The following MAPK10 variants were observed in gnomAD, a reference collection of about 807,000 sequenced individuals.
The protein encoded by MAPK10 is mitogen-activated protein kinase 10.
A neutral mutation model predicts 59.3 loss-of-function variants in MAPK10; 25 were observed. The observed-to-expected ratio is 0.42, with a 90% CI of 0.31 to 0.59. The LOEUF (loss-of-function observed/expected upper bound fraction) is 0.59. Among genes scored for constraint, MAPK10 ranks in the 20% least tolerant of loss-of-function variants. The pLI is 0.15. For missense variants in MAPK10, 351 were observed against 568.9 expected (o/e 0.62, Z 3.90); for synonymous variants, 190 against 200.5 (o/e 0.95, Z 0.44).
Position 86,136,244 on chromosome 4 carries a change from A to G in MAPK10, c.236+23054T>C, listed in dbSNP as rs868801437. Reference sequence around the variant, plus strand: ...AAAACACATAATTGTCAGATTCACCAAAGTTGAAATAAAGGAAAAAATGTT... The same window carrying G: ...AAAACACATAATTGTCAGATTCACCGAAGTTGAAATAAAGGAAAAAATGTT... On this transcript the variant is annotated intron_variant, in intron 4 of 13. Coordinates refer to ENST00000641462, the MANE Select transcript of MAPK10 (RefSeq NM_138982.4). 3.3e-5 allele frequency among the ~76,000 whole-genome samples: 5 copies of G among 152,160 alleles called. No homozygotes were observed. The South Asian group carries it at 6.2e-4, about 19-fold the overall frequency.
At chr4:86,396,888 A>G (rs1446096100) in intron 1 of MAPK10, among the ~76,000 whole-genome samples, 3 of 152,238 alleles carry the variant, frequency 2.0e-5, no homozygotes, top group Admixed American at 6.5e-5. Context: ...AGCAAACTAT[A>G]ACACTTACTA....
chr4:86,136,454 G>C (rs543075257), intron 4 of MAPK10, among the ~76,000 whole-genome samples: 3 of 150,198 alleles, frequency 2.0e-5, no homozygotes, highest in Admixed American at 1.3e-4. Context: ...AAGTGAAGGA[G>C]AAATAAAATA....
Position 86,017,434 on chromosome 4 carries a change from C to G in MAPK10, c.1253-64G>C, listed in dbSNP as rs1743811687. On this transcript the variant is annotated intron_variant, in intron 13 of 13. Transcript: ENST00000641462. This position sits in a 1 kb window ranked among gnomAD's most constrained non-coding sequence, Gnocchi z 4.4. ...GAACCAGACCCATCTTAATGCCATTCAGGATTCAGGGATGGGCAAATACAA... is the reference window on the plus strand; with the variant it reads ...GAACCAGACCCATCTTAATGCCATTGAGGATTCAGGGATGGGCAAATACAA... 6.3e-7 allele frequency: 1 copy of G among 1,581,644 alleles called. No homozygotes were observed. The highest frequency in any genetic ancestry group is 8.7e-7 in the Non-Finnish European group (1 of 1,155,604).
chr4:86,289,309 G>T (rs1009959145), intron 2 of MAPK10, among the ~76,000 whole-genome samples: 1 of 152,140 alleles, frequency 6.6e-6, no homozygotes, highest in African/African-American at 2.4e-5. Context: ...GACATGGTAA[G>T]GAGGCTGGGT....
intron 2 of MAPK10, among the ~76,000 whole-genome samples, chr4:86,330,538 T>C (rs531104376): frequency 1.3e-5 from 2 of 152,234 alleles, no homozygotes; most frequent in East Asian, 3.9e-4. Context: ...CATGCTGCTG[T>C]TCTCATGATG....
chr4:86,193,751 C>T (rs1022611531), intron 3 of MAPK10: 14 of 158,244 alleles, frequency 8.8e-5, no homozygotes, highest in Non-Finnish European at 1.9e-4. Context: ...GCCCCCTTTC[C>T]AGGGGGGGTG....
intron 1 of MAPK10, among the ~76,000 whole-genome samples, chr4:86,537,363 T>C (rs537520871): frequency 2.0e-5 from 3 of 152,280 alleles, no homozygotes; most frequent in Admixed American, 6.5e-5. Flanking sequence ...AACATAGATA[T>C]AAGTGTGTGT....
chr4:86,289,925 T>C (rs1337269718), intron 2 of MAPK10, among the ~76,000 whole-genome samples: 1 of 152,136 alleles, frequency 6.6e-6, no homozygotes, highest in African/African-American at 2.4e-5. Flanking sequence ...TGTCATTTCC[T>C]GAGGTGGAGA....
chr4:86,255,306 C>G (rs2093659558), intron 2 of MAPK10, among the ~76,000 whole-genome samples: 1 of 151,962 alleles, frequency 6.6e-6, no homozygotes, highest in Non-Finnish European at 1.5e-5. Context: ...AATGTATATC[C>G]CTGTGTCAAT....
intron 1 of MAPK10, among the ~76,000 whole-genome samples, chr4:86,382,003 T>C (rs765511020): frequency 3.3e-5 from 5 of 152,122 alleles, no homozygotes; most frequent in East Asian, 1.9e-4. Flanking sequence ...AGTGGCGCTA[T>C]TGACATTCGG....
chr4:86,065,855 ACT>A (rs1232106603), intron 10 of MAPK10, among the ~76,000 whole-genome samples: 1 of 152,186 alleles, frequency 6.6e-6, no homozygotes, highest in African/African-American at 2.4e-5. Context: ...AACATAGATG[ACT>A]CTGGATACAT....
At chr4:86,149,297 C>A (rs996982617) in intron 4 of MAPK10, among the ~76,000 whole-genome samples, 4 of 152,074 alleles carry the variant, frequency 2.6e-5, no homozygotes, top group Non-Finnish European at 2.9e-5. Flanking sequence ...GATGGAGTTT[C>A]ATTCTTCCAC....
chr4:86,277,875 G>C (rs1306338862), intron 2 of MAPK10, among the ~76,000 whole-genome samples: 1 of 152,090 alleles, frequency 6.6e-6, no homozygotes, highest in Non-Finnish European at 1.5e-5. Flanking sequence ...GCTTGGAGTA[G>C]ATGTTACCAT....
intron 1 of MAPK10, among the ~76,000 whole-genome samples, chr4:86,536,360 A>C (rs910851193): frequency 2.6e-5 from 4 of 152,212 alleles, no homozygotes; most frequent in Admixed American, 2.6e-4. Context: ...ATTTTTCTAG[A>C]TGAAAACAGA....
chr4:86,141,558 T>C (rs2063652325), intron 4 of MAPK10, among the ~76,000 whole-genome samples: 1 of 152,152 alleles, frequency 6.6e-6, no homozygotes, highest in South Asian at 2.1e-4. Flanking sequence ...CATTGCGCTA[T>C]AGCATCTTAA....
intron 2 of MAPK10, among the ~76,000 whole-genome samples, chr4:86,314,971 C>A (rs1450597587): frequency 6.6e-6 from 1 of 151,548 alleles, no homozygotes; most frequent in East Asian, 1.9e-4. Context: ...TATTAATGAA[C>A]ATTTTAAATG....
At chr4:86,288,083 C>T (rs1216930552) in intron 2 of MAPK10, among the ~76,000 whole-genome samples, 1 of 152,014 alleles carries the variant, frequency 6.6e-6, no homozygotes, top group Non-Finnish European at 1.5e-5. Context: ...TTATCACCTG[C>T]GAAAATAGCA....
At chr4:86,550,797 C>T (rs1225392553) in intron 1 of MAPK10, among the ~76,000 whole-genome samples, 2 of 147,776 alleles carry the variant, frequency 1.4e-5, no homozygotes, top group African/African-American at 4.8e-5. Flanking sequence ...CACATAAAGT[C>T]CCTTGAGGCT....
chr4:86,256,741 T>A (rs796247845), intron 2 of MAPK10, among the ~76,000 whole-genome samples: 1 of 132,558 alleles, frequency 7.5e-6, no homozygotes, highest in Non-Finnish European at 1.6e-5. Flanking sequence ...TTTCTTTTTT[T>A]TTTTTTTTTT....
Sources: allele counts gnomAD v4.1 joint callset (sites outside exome capture counted in the v4.1 genomes callset), GRCh38; gene constraint gnomAD v4.1.1; non-coding constraint Gnocchi (gnomAD v3.1); transcripts MANE v1.5; gene names NCBI Gene and HGNC (gene_info 2026-07-23, HGNC 2026-07-21).